Variants in RALYL observed in about 807,000 individuals in gnomAD.
The protein encoded by RALYL is RNA-binding Raly-like protein.
Under a neutral mutation model 35.1 loss-of-function variants are expected in RALYL, and 29 were observed. The ratio of observed to expected loss-of-function variants is 0.83; its 90% CI spans 0.61 to 1.13. RALYL has a LOEUF of 1.13. Among genes scored for constraint, RALYL ranks in the 50% most tolerant of loss-of-function variants. RALYL has a pLI of 0.00. For missense variants in RALYL, 359 were observed against 360.4 expected (o/e 1.00, Z 0.03); for synonymous variants, 120 against 127.6 (o/e 0.94, Z 0.40).
rs143309933 is a variant in RALYL, at chr8:84,654,270, CATATATAT to C, written c.257-120272_257-120265del. Among the ~76,000 whole-genome samples, 350 of 44,518 alleles carry C rather than the reference CATATATAT, an allele frequency of 7.9e-3. 4 individuals are homozygous for C. The East Asian group carries it at 0.088, about 11-fold the overall frequency. 29.2% of individuals were successfully genotyped at this position (44,518 alleles called of 152,430 possible). Reference sequence around the variant, plus strand: ...CAACGTATATGTATATCTCATGTTCCATATATATATATATATATATATATATATATATA... The same window carrying C: ...CAACGTATATGTATATCTCATGTTCCATATATATATATATATATATATATA... On this transcript the variant is annotated intron_variant, in intron 2 of 8. Transcript: ENST00000521268.
chr8:84,662,464 T>C (rs1339595377), intron 2 of RALYL, among the ~76,000 whole-genome samples: 3 of 152,198 alleles, frequency 2.0e-5, no homozygotes, highest in Non-Finnish European at 4.4e-5. Context: ...AGATGTGATA[T>C]AATATTTTGA....
At chr8:84,568,251 C>CA (rs2061933739) in intron 2 of RALYL, among the ~76,000 whole-genome samples, 1 of 138,844 alleles carries the variant, frequency 7.2e-6, no homozygotes, top group South Asian at 2.4e-4. Flanking sequence ...TTCCTGTGTC[C>CA]ATGTGTTCTC....
intron 1 of RALYL, among the ~76,000 whole-genome samples, chr8:84,210,132 T>A (rs1179006039): frequency 6.6e-6 from 1 of 152,162 alleles, no homozygotes; most frequent in Admixed American, 6.6e-5. Context: ...CTGATGTTTT[T>A]GAAATGCACC....
intron 7 of RALYL, among the ~76,000 whole-genome samples, chr8:84,880,520 T>A (rs1027782134): frequency 6.6e-6 from 1 of 151,928 alleles, no homozygotes; most frequent in African/African-American, 2.4e-5. Context: ...ATTCCTACCA[T>A]AGCAGTGTTG....
intron 2 of RALYL, among the ~76,000 whole-genome samples, chr8:84,600,897 C>A (rs891147314): frequency 6.6e-6 from 1 of 151,948 alleles, no homozygotes; most frequent in Non-Finnish European, 1.5e-5. Flanking sequence ...TGTTTCTGTT[C>A]AATGATTTCC....
intron 4 of RALYL, among the ~76,000 whole-genome samples, chr8:84,844,440 A>C (rs1281286077): frequency 1.3e-5 from 2 of 152,312 alleles, no homozygotes; most frequent in Non-Finnish European, 2.9e-5. Context: ...CACCAGTTAG[A>C]ATGGCAATCA....
At chr8:84,464,872 T>G (rs910606692) in intron 1 of RALYL, among the ~76,000 whole-genome samples, 4 of 142,024 alleles carry the variant, frequency 2.8e-5, no homozygotes, top group African/African-American at 5.3e-5. Flanking sequence ...GGTTTTGATT[T>G]GCATTTCTCT....
At chr8:84,514,834 T>A (rs940862045) in intron 1 of RALYL, among the ~76,000 whole-genome samples, 24 of 137,508 alleles carry the variant, frequency 1.7e-4, no homozygotes, top group African/African-American at 5.7e-4. Flanking sequence ...CAGTAATAGG[T>A]TTTTGCAGGT....
chr8:84,493,630 C>T (rs529294792), intron 1 of RALYL, among the ~76,000 whole-genome samples: 8 of 152,212 alleles, frequency 5.3e-5, no homozygotes, highest in South Asian at 2.1e-4. Flanking sequence ...GATGGTATCT[C>T]GTTGTGGTTT....
intron 1 of RALYL, among the ~76,000 whole-genome samples, chr8:84,374,613 AAACCAAGTATT>A (rs1369213105): frequency 3.9e-5 from 6 of 151,932 alleles, no homozygotes; most frequent in African/African-American, 1.2e-4. Flanking sequence ...CAGGAACAGA[AAACCAAGTATT>A]GCATGTTCTC....
intron 7 of RALYL, among the ~76,000 whole-genome samples, chr8:84,879,935 A>C (rs1360963625): frequency 6.6e-6 from 1 of 152,068 alleles, no homozygotes; most frequent in East Asian, 1.9e-4. Context: ...AGGAGATAAA[A>C]TTGAACTCAA....
At chr8:84,587,960 G>A (rs1812362843) in intron 2 of RALYL, among the ~76,000 whole-genome samples, 1 of 152,148 alleles carries the variant, frequency 6.6e-6, no homozygotes, top group Non-Finnish European at 1.5e-5. Flanking sequence ...TGGAAGTAGA[G>A]TTGTCAGCCT....
chr8:84,196,908 A>G, intron 1 of RALYL, among the ~76,000 whole-genome samples: 1 of 152,214 alleles, frequency 6.6e-6, no homozygotes, highest in East Asian at 1.9e-4. Flanking sequence ...CAGGAGCAAG[A>G]TGGCCACTTT....
intron 1 of RALYL, among the ~76,000 whole-genome samples, chr8:84,238,637 G>C (rs1047676214): frequency 6.6e-6 from 1 of 152,154 alleles, no homozygotes; most frequent in African/African-American, 2.4e-5. Context: ...CGTTGACTGA[G>C]CTTGGCAGAG....
chr8:84,617,893 A>G (rs897641525), intron 2 of RALYL, among the ~76,000 whole-genome samples: 2 of 151,820 alleles, frequency 1.3e-5, no homozygotes, highest in Non-Finnish European at 2.9e-5. Context: ...GCTGGATTAC[A>G]TTTATTGATT....
chr8:84,300,000 A>G (rs1008295129), intron 1 of RALYL, among the ~76,000 whole-genome samples: 1 of 151,362 alleles, frequency 6.6e-6, no homozygotes, highest in Non-Finnish European at 1.5e-5. Flanking sequence ...TTTTGCTTTT[A>G]TTTTTTGAGT....
At chr8:84,864,732 G>A (rs1838832741) in intron 6 of RALYL, 2 of 573,018 alleles carry the variant, frequency 3.5e-6, no homozygotes, top group Admixed American at 4.0e-5. Flanking sequence ...GAGTCAGGGA[G>A]CTTGGCAGGC....
intron 1 of RALYL, among the ~76,000 whole-genome samples, chr8:84,375,612 C>T (rs1586698662): frequency 6.6e-6 from 1 of 151,792 alleles, no homozygotes; most frequent in Non-Finnish European, 1.5e-5. Flanking sequence ...GAATTGAACA[C>T]ATGAATGTTA....
intron 1 of RALYL, among the ~76,000 whole-genome samples, chr8:84,452,225 T>C (rs2133208815): frequency 7.0e-6 from 1 of 143,518 alleles, no homozygotes; most frequent in African/African-American, 2.6e-5. Flanking sequence ...GGTTTGTTGT[T>C]GATACTACTT....
Sources: gnomAD v4.1 joint callset for allele counts (sites outside exome capture counted in the v4.1 genomes callset) on GRCh38, gnomAD v4.1.1 for gene constraint, MANE v1.5 for transcripts, NCBI Gene and HGNC (gene_info 2026-07-23, HGNC 2026-07-21) for gene names.